HACD2: variants seen among roughly 807,000 people sequenced by gnomAD.
HACD2 encodes 3-hydroxyacyl-CoA dehydratase 2, also known as very-long-chain (3R)-3-hydroxyacyl-CoA dehydratase 2.
In HACD2, 15 loss-of-function variants were observed where a neutral mutation model predicts 31.0. That is an observed-to-expected ratio of 0.48 (90% CI 0.32 to 0.75). The LOEUF (loss-of-function observed/expected upper bound fraction) is 0.75. Ranked by LOEUF, HACD2 falls within the 30% of genes least tolerant of loss-of-function variation. HACD2 has a pLI of 0.03. For synonymous variants in HACD2, 115 were observed against 122.2 expected, an observed-to-expected ratio of 0.94 and a Z score of 0.39; for missense variants, 283 against 313.0, an observed-to-expected ratio of 0.90 and a Z score of 0.72.
intron 3 of HACD2, among the ~76,000 whole-genome samples, chr3:123,542,002 C>T (rs1001159231): frequency 6.6e-6 from 1 of 151,128 alleles, no homozygotes; most frequent in African/African-American, 2.4e-5. Flanking sequence ...AAAAAATTAG[C>T]CAGGTGTAGT....
chr3:123,542,590 C>T (rs1033740919), intron 3 of HACD2, among the ~76,000 whole-genome samples: 1 of 152,196 alleles, frequency 6.6e-6, no homozygotes, highest in African/African-American at 2.4e-5. Context: ...GAGATGCCAA[C>T]GGCATAAGCC....
At chr3:123,572,069 C>T (rs2056861108) in intron 2 of HACD2, among the ~76,000 whole-genome samples, 1 of 152,136 alleles carries the variant, frequency 6.6e-6, no homozygotes, top group Non-Finnish European at 1.5e-5. Context: ...AATACTCTCA[C>T]AATTTTCCAA....
rs75373821 is a variant in HACD2 at position 123,565,751 on chromosome 3, T to A, written c.292+2011A>T. Among the ~76,000 whole-genome samples the A allele has an allele frequency of 4.2e-3, 640 of 152,336 alleles. 3 individuals carry two copies. The highest frequency in any genetic ancestry group is 0.015 in the African/African-American group (607 of 41,566). On this transcript the variant is annotated intron_variant, in intron 3 of 6. Transcript: ENST00000383657. ...AGGGTTCAGTCATGTGGAGAAGGCC[T>A]GAGAGGTTCCAGAACTCTCTCTGGC...
chr3:123,551,031 C>T (rs570353430), intron 3 of HACD2, among the ~76,000 whole-genome samples: 2 of 152,202 alleles, frequency 1.3e-5, no homozygotes, highest in Admixed American at 1.3e-4. Flanking sequence ...TGAGTGGCAG[C>T]AATGTCCTCA....
chr3:123,580,055 C>T (rs914720743), intron 2 of HACD2, among the ~76,000 whole-genome samples: 5 of 151,936 alleles, frequency 3.3e-5, no homozygotes, highest in Admixed American at 1.3e-4. Flanking sequence ...TTTCATCATA[C>T]CACCTACTTA....
intron 3 of HACD2, among the ~76,000 whole-genome samples, chr3:123,564,291 T>C (rs902830110): frequency 6.6e-6 from 1 of 152,136 alleles, no homozygotes; most frequent in Non-Finnish European, 1.5e-5. Context: ...TATGCATATC[T>C]CATGCCATGA....
At chr3:123,570,776 T>C (rs570556691) in intron 2 of HACD2, among the ~76,000 whole-genome samples, 1 of 152,220 alleles carries the variant, frequency 6.6e-6, no homozygotes, top group East Asian at 1.9e-4. Flanking sequence ...CAACAAGGAA[T>C]AGGAGAGGAA....
At chr3:123,513,609 C>A (rs1486349048) in intron 4 of HACD2, among the ~76,000 whole-genome samples, 2 of 152,166 alleles carry the variant, frequency 1.3e-5, no homozygotes, top group East Asian at 3.9e-4. Context: ...AGGAGATCGT[C>A]CAGACTGAAG....
intron 3 of HACD2, among the ~76,000 whole-genome samples, chr3:123,545,700 T>TATA (rs1329985664): frequency 1.3e-5 from 2 of 150,046 alleles, no homozygotes; most frequent in African/African-American, 4.9e-5. Flanking sequence ...CAAAAATATA[T>TATA]ATAATAATAA....
chr3:123,534,409 G>A (rs1256587714), intron 3 of HACD2, among the ~76,000 whole-genome samples: 1 of 151,798 alleles, frequency 6.6e-6, no homozygotes, highest in Non-Finnish European at 1.5e-5. Context: ...ATATGTTTCT[G>A]ATGGTGCTGG....
intron 3 of HACD2, among the ~76,000 whole-genome samples, chr3:123,555,476 T>TA (rs11377880): frequency 0.03 from 4,554 of 151,110 alleles, 75 homozygotes; most frequent in Middle Eastern, 0.089. Flanking sequence ...ATTTTAAAGT[T>TA]AAAAAAAAAT....
In HACD2 at chr3:123,584,937, T is replaced by C; in HGVS notation, c.91A>G (p.Lys31Glu). The C allele has an allele frequency of 2.0e-6, 3 of 1,529,544 alleles. No individual in the cohort carries two copies. The highest frequency in any genetic ancestry group is 3.6e-4 in the Middle Eastern group (2 of 5,540). The allele number at this position is 1,529,544 out of a possible 1,614,324, so 94.7% of individuals were successfully genotyped here. ...GTGGCCAGGGGCCCCGGGCCCTTCT[T>C]CTTCCGCGTGCCGCTGGCGTCCCCG... ...GAGDASGTRK[K>E]KGPGPLATAY... The change falls in exon 1 of 7, where the codon AAG becomes GAG. Residue 31 changes from lysine to glutamate, a missense_variant. Lys to Glu is a moderately conservative substitution (Grantham distance 56). Coordinates refer to ENST00000383657, the MANE Select transcript of HACD2 (RefSeq NM_198402.5).
intron 3 of HACD2, among the ~76,000 whole-genome samples, chr3:123,566,504 G>A (rs368766808): frequency 1.3e-5 from 2 of 151,562 alleles, no homozygotes; most frequent in African/African-American, 4.8e-5. Flanking sequence ...GGCTGGTCTC[G>A]AACTCCTGGC....
chr3:123,583,572 C>A (rs1307742383), intron 1 of HACD2, among the ~76,000 whole-genome samples: 1 of 152,066 alleles, frequency 6.6e-6, no homozygotes. Flanking sequence ...TCATGCAAGT[C>A]ACAACTTCTC....
chr3:123,557,126 A>C (rs1463118327), intron 3 of HACD2, among the ~76,000 whole-genome samples: 2 of 152,262 alleles, frequency 1.3e-5, no homozygotes, highest in South Asian at 4.1e-4. Flanking sequence ...GCAGGAGAGC[A>C]GCAGGTGAGT....
intron 3 of HACD2, among the ~76,000 whole-genome samples, chr3:123,549,077 A>G (rs2056591479): frequency 6.6e-6 from 1 of 151,788 alleles, no homozygotes; most frequent in South Asian, 2.1e-4. Context: ...TCAAAAGCTT[A>G]TGAATAGAAC....
intron 3 of HACD2, among the ~76,000 whole-genome samples, chr3:123,532,014 T>C (rs764486998): frequency 1.3e-5 from 2 of 152,208 alleles, no homozygotes; most frequent in Non-Finnish European, 2.9e-5. Context: ...ATGAATGTTT[T>C]TAAGGCTCTT....
chr3:123,527,278 C>T (rs79427688), intron 4 of HACD2, among the ~76,000 whole-genome samples: 5,217 of 152,200 alleles, frequency 0.034, 90 homozygotes, highest in Middle Eastern at 0.088. Context: ...TTTCACTTTC[C>T]GTAGCTTCTG....
At chr3:123,572,808 A>C (rs1398771629) in intron 2 of HACD2, among the ~76,000 whole-genome samples, 1 of 152,228 alleles carries the variant, frequency 6.6e-6, no homozygotes, top group Non-Finnish European at 1.5e-5. Flanking sequence ...AGCAGCTTTC[A>C]AGACCTCAGC....
Sources: gnomAD v4.1 joint callset for allele counts (sites outside exome capture counted in the v4.1 genomes callset) on GRCh38, gnomAD v4.1.1 for gene constraint, MANE v1.5 for transcripts, NCBI Gene and HGNC (gene_info 2026-07-23, HGNC 2026-07-21) for gene names.